Variants in KCNH7 observed in about 807,000 individuals in gnomAD.
The protein encoded by KCNH7 is voltage-gated inwardly rectifying potassium channel KCNH7.
KCNH7 carries 49 observed loss-of-function variants against 120.8 expected under a neutral mutation model. The ratio of observed to expected loss-of-function variants is 0.41; its 90% CI spans 0.32 to 0.51. The LOEUF (loss-of-function observed/expected upper bound fraction) is 0.51, where lower values mean the gene tolerates loss of function less well. KCNH7 is among the 20% of genes least tolerant of loss of function. KCNH7 has a pLI of 0.38. For synonymous variants in KCNH7, 547 were observed against 516.1 expected (o/e 1.06, Z -0.81); for missense variants, 1,097 against 1,446.6 (o/e 0.76, Z 3.92).
chr2:162,452,311 T>A (rs1253594813), intron 6 of KCNH7, among the ~76,000 whole-genome samples: 1 of 152,072 alleles, frequency 6.6e-6, no homozygotes, highest in Non-Finnish European at 1.5e-5. Flanking sequence ...TTCAGAAATG[T>A]CTAAGATAGT....
chr2:162,774,294 T>G (rs1411455425), intron 2 of KCNH7, among the ~76,000 whole-genome samples: 1 of 152,194 alleles, frequency 6.6e-6, no homozygotes, highest in Admixed American at 6.5e-5. Context: ...TTTACCTCAT[T>G]GATTTTATTA....
intron 7 of KCNH7, among the ~76,000 whole-genome samples, chr2:162,440,312 C>T (rs1337670279): frequency 2.6e-5 from 4 of 151,886 alleles, no homozygotes; most frequent in Admixed American, 2.0e-4. Flanking sequence ...ATCACTGAAA[C>T]TTTCTACTTA....
chr2:162,446,395 G>T lies in KCNH7; in HGVS notation c.1177C>A (p.Pro393Thr), dbSNP rs1346562934. The T allele has an allele frequency of 6.2e-7, 1 of 1,613,290 alleles. No individual in the cohort carries two copies. Among genetic ancestry groups the T allele is most frequent in the Admixed American group, 1.7e-5 (1 of 59,934 alleles). Residue 393 changes from proline to threonine, a missense_variant, in exon 7 of 16, where the codon CCA becomes ACA. Physicochemically the swap from Pro to Thr is conservative, Grantham distance 38. Transcript: ENST00000332142. ...AATATCGTAAACTTGTTGATGCGTG[G>T]TGTCTGCAGTTTGTATTCAGGTAGG... ...DVLPEYKLQTPRINKFTILHY... is the reference protein window; with the variant it reads ...DVLPEYKLQTTRINKFTILHY...
At chr2:162,521,035 G>A (rs1422943651) in intron 3 of KCNH7, among the ~76,000 whole-genome samples, 1 of 151,804 alleles carries the variant, frequency 6.6e-6, no homozygotes, top group Admixed American at 6.6e-5. Context: ...TTAGATTTTA[G>A]CACCAAAGTG....
intron 2 of KCNH7, among the ~76,000 whole-genome samples, chr2:162,657,268 G>T: frequency 6.6e-6 from 1 of 152,100 alleles, no homozygotes; most frequent in South Asian, 2.1e-4. Context: ...GTTTCATAGA[G>T]AATAGTTTCA....
At chr2:162,565,915 C>T (rs1206099570) in intron 2 of KCNH7, among the ~76,000 whole-genome samples, 6 of 151,942 alleles carry the variant, frequency 3.9e-5, no homozygotes, top group Admixed American at 3.9e-4. Context: ...ATCCATAAAA[C>T]ACAATGATGA....
chr2:162,645,539 C>T (rs1474824397), intron 2 of KCNH7, among the ~76,000 whole-genome samples: 1 of 152,086 alleles, frequency 6.6e-6, no homozygotes, highest in African/African-American at 2.4e-5. Context: ...ATGTGTTGAA[C>T]TCTTATCATC....
intron 2 of KCNH7, among the ~76,000 whole-genome samples, chr2:162,723,445 GA>G (rs1687403190): frequency 6.6e-6 from 1 of 152,148 alleles, no homozygotes. Context: ...TATTCAGCCA[GA>G]AAGAAGAAGG....
At chr2:162,544,385 T>C (rs1208758952) in intron 2 of KCNH7, among the ~76,000 whole-genome samples, 2 of 152,140 alleles carry the variant, frequency 1.3e-5, no homozygotes, top group Non-Finnish European at 2.9e-5. Context: ...ACATTTATTG[T>C]GTGCCAGCCA....
chr2:162,571,263 A>G (rs1693464795), intron 2 of KCNH7, among the ~76,000 whole-genome samples: 1 of 152,172 alleles, frequency 6.6e-6, no homozygotes, highest in Non-Finnish European at 1.5e-5. Context: ...AGACAAACAG[A>G]GAGCCAAATC....
At chr2:162,543,666 G>A (rs1015070252) in intron 2 of KCNH7, among the ~76,000 whole-genome samples, 13 of 152,110 alleles carry the variant, frequency 8.5e-5, no homozygotes, top group African/African-American at 3.1e-4. Context: ...CCCTAGAATT[G>A]GACAGACTTG....
intron 11 of KCNH7, among the ~76,000 whole-genome samples, chr2:162,394,933 C>T (rs1429086333): frequency 1.3e-5 from 2 of 151,784 alleles, no homozygotes; most frequent in African/African-American, 4.8e-5. Flanking sequence ...ATTCCTCTTC[C>T]TCCTCCTCCA....
intron 2 of KCNH7, among the ~76,000 whole-genome samples, chr2:162,654,137 A>T (rs1275714782): frequency 6.6e-6 from 1 of 151,950 alleles, no homozygotes; most frequent in East Asian, 1.9e-4. Flanking sequence ...AAAAGCAAAA[A>T]TAGAAAAATG....
chr2:162,384,134 C>G (rs1211039545), intron 13 of KCNH7, among the ~76,000 whole-genome samples: 1 of 151,730 alleles, frequency 6.6e-6, no homozygotes, highest in Non-Finnish European at 1.5e-5. Flanking sequence ...TGCACATTTT[C>G]TACAACAAAA....
chr2:162,434,852 G>T (rs1445663853), intron 8 of KCNH7, among the ~76,000 whole-genome samples: 1 of 151,904 alleles, frequency 6.6e-6, no homozygotes, highest in Non-Finnish European at 1.5e-5. Flanking sequence ...GTGTAAATGA[G>T]TATTTCCCAT....
At chr2:162,540,703 A>G (rs2105835017) in intron 2 of KCNH7, among the ~76,000 whole-genome samples, 1 of 152,220 alleles carries the variant, frequency 6.6e-6, no homozygotes, top group South Asian at 2.1e-4. Flanking sequence ...AAGAAGGCCA[A>G]AGAATGGATC....
intron 13 of KCNH7, among the ~76,000 whole-genome samples, chr2:162,381,936 C>T (rs1247826655): frequency 1.3e-5 from 2 of 152,010 alleles, no homozygotes; most frequent in Admixed American, 6.6e-5. Context: ...AGCAAACTTC[C>T]GGAATACCTA....
chr2:162,648,620 A>G (rs1382267839), intron 2 of KCNH7, among the ~76,000 whole-genome samples: 1 of 152,126 alleles, frequency 6.6e-6, no homozygotes, highest in Non-Finnish European at 1.5e-5. Flanking sequence ...AGACTAGAAT[A>G]TTCTTTTCCT....
chr2:162,712,946 C>A (rs1043063568), intron 2 of KCNH7, among the ~76,000 whole-genome samples: 3 of 152,166 alleles, frequency 2.0e-5, no homozygotes, highest in African/African-American at 7.2e-5. Flanking sequence ...TGGCTGTAAT[C>A]ACTCTCGTTT....
Sources: gnomAD v4.1 joint callset for allele counts (sites outside exome capture counted in the v4.1 genomes callset) on GRCh38, gnomAD v4.1.1 for gene constraint, MANE v1.5 for transcripts, NCBI Gene and HGNC (gene_info 2026-07-23, HGNC 2026-07-21) for gene names.